Variants in CUX2 observed in about 807,000 individuals in gnomAD.
The protein encoded by CUX2 is homeobox protein cut-like 2.
In CUX2, 40 loss-of-function variants were observed where a neutral mutation model predicts 144.8. The observed-to-expected ratio is 0.28, with a 90% CI of 0.21 to 0.36. The LOEUF (loss-of-function observed/expected upper bound fraction) is 0.36, where lower values mean the gene tolerates loss of function less well. Ranked by LOEUF, CUX2 falls within the 10% of genes least tolerant of loss-of-function variation. The pLI, the probability that CUX2 is intolerant of heterozygous loss-of-function variation, is 1.00. For synonymous variants in CUX2, 827 were observed against 875.6 expected, an observed-to-expected ratio of 0.94 and a Z score of 0.98; for missense variants, 1,615 against 1,994.0, an observed-to-expected ratio of 0.81 and a Z score of 3.62.
intron 18 of CUX2, among the ~76,000 whole-genome samples, chr12:111,328,865 G>C (rs1442856285): frequency 1.3e-5 from 2 of 151,394 alleles, no homozygotes; most frequent in Non-Finnish European, 2.9e-5. Context: ...TGGGATTACA[G>C]GCATGAGCTA....
chr12:111,344,609 G>C (rs943538296), intron 21 of CUX2, among the ~76,000 whole-genome samples: 5 of 152,204 alleles, frequency 3.3e-5, no homozygotes, highest in African/African-American at 9.6e-5. Flanking sequence ...CTTCCCACTG[G>C]AGGGAGCTGA....
chr12:111,193,653 G>A lies in CUX2; in HGVS notation c.64-20547G>A, dbSNP rs550382211. 1.7e-3 allele frequency among the ~76,000 whole-genome samples: 257 copies of A among 152,276 alleles called. 2 individuals are homozygous for A. The highest frequency in any genetic ancestry group is 6.8e-3 in the Middle Eastern group (2 of 294). ...TCTGCTGTGAACAGGCCCCTTGTTC[G>A]GGATCCAGGAATGAAGGCGCTGGAG... On this transcript the variant is annotated intron_variant, in intron 1 of 21. Coordinates refer to ENST00000261726, the MANE Select transcript of CUX2 (RefSeq NM_015267.4).
chr12:111,339,730 G>C (rs1888503046), intron 20 of CUX2: 1 of 152,222 alleles, frequency 6.6e-6, no homozygotes, highest in South Asian at 2.1e-4. Context: ...AGGTCGTGAG[G>C]GCAGGTCGTG....
intron 1 of CUX2, among the ~76,000 whole-genome samples, chr12:111,042,502 A>G (rs1471659792): frequency 6.6e-6 from 1 of 152,160 alleles, no homozygotes; most frequent in Non-Finnish European, 1.5e-5. Flanking sequence ...CCTCGGTTCA[A>G]ATCCCAGCTC....
intron 1 of CUX2, among the ~76,000 whole-genome samples, chr12:111,153,988 C>G (rs543130194): frequency 1.2e-4 from 18 of 152,140 alleles, no homozygotes; most frequent in African/African-American, 2.4e-4. Flanking sequence ...CAAGTTCCCC[C>G]TTTTTACAAA....
rs768815756 is a variant in CUX2, at chr12:111,338,419, C to G, written c.3330C>G (p.Leu1110=). ...REPFVRMQLW[L]NDPHNVEKLR... ...CTTTTGTCCGCATGCAGCTGTGGCTCAATGACCCCCATAACGTGGAGAAGC... is the reference window on the plus strand; with the variant it reads ...CTTTTGTCCGCATGCAGCTGTGGCTGAATGACCCCCATAACGTGGAGAAGC... The change falls in exon 20 of 22, where the codon CTC becomes CTG. Residue 1110 remains leucine (L), a synonymous_variant. Coordinates refer to ENST00000261726, the MANE Select transcript of CUX2 (RefSeq NM_015267.4). 32 of 1,613,924 alleles carry G rather than the reference C, an allele frequency of 2.0e-5. No homozygotes were observed. The highest frequency in any genetic ancestry group is 2.5e-5 in the Non-Finnish European group (30 of 1,179,996).
intron 3 of CUX2, among the ~76,000 whole-genome samples, chr12:111,238,962 T>C (rs1225082475): frequency 6.6e-6 from 1 of 152,206 alleles, no homozygotes; most frequent in Non-Finnish European, 1.5e-5. Flanking sequence ...TGAGAATCCC[T>C]TGAACCTGGG....
chr12:111,118,185 TACTA>T (rs1306935350), intron 1 of CUX2, among the ~76,000 whole-genome samples: 14 of 152,176 alleles, frequency 9.2e-5, no homozygotes, highest in African/African-American at 3.1e-4. Flanking sequence ...GCAAACTACT[TACTA>T]AACACAGATA....
chr12:111,086,624 C>T (rs1466187128), intron 1 of CUX2, among the ~76,000 whole-genome samples: 6 of 152,114 alleles, frequency 3.9e-5, no homozygotes, highest in Non-Finnish European at 8.8e-5. Context: ...ACTCTGTCTC[C>T]GAGGGTTTAA....
intron 4 of CUX2, among the ~76,000 whole-genome samples, chr12:111,269,840 G>T (rs542766734): frequency 4.6e-5 from 7 of 152,166 alleles, no homozygotes; most frequent in Non-Finnish European, 8.8e-5. Context: ...CAAGCCCAGT[G>T]CTGACTCCAG....
At chr12:111,325,696 T>G (rs1479611699) in intron 18 of CUX2, among the ~76,000 whole-genome samples, 4 of 10,080 alleles carry the variant, frequency 4.0e-4, no homozygotes, top group African/African-American at 5.7e-4. Context: ...AGTGTTGTGG[T>G]GGGGGAGGGG....
At chr12:111,185,845 G>A (rs1307276983) in intron 1 of CUX2, among the ~76,000 whole-genome samples, 1 of 152,128 alleles carries the variant, frequency 6.6e-6, no homozygotes, top group Non-Finnish European at 1.5e-5. Context: ...TCCACGGTCC[G>A]AGGGGGCTGC....
chr12:111,313,928 A>G (rs768749961), intron 16 of CUX2, among the ~76,000 whole-genome samples: 1 of 152,006 alleles, frequency 6.6e-6, no homozygotes, highest in African/African-American at 2.4e-5. Context: ...GCCCTCTTCC[A>G]TTTTTGCAGT....
chr12:111,149,144 G>T (rs949511985), intron 1 of CUX2, among the ~76,000 whole-genome samples: 13 of 152,220 alleles, frequency 8.5e-5, no homozygotes, highest in Non-Finnish European at 2.9e-5. Flanking sequence ...CAGGGTGTCT[G>T]TGTCTAAGAC....
At chr12:111,207,652 T>C (rs1037132276) in intron 1 of CUX2, among the ~76,000 whole-genome samples, 10 of 152,200 alleles carry the variant, frequency 6.6e-5, no homozygotes, top group African/African-American at 9.6e-5. Flanking sequence ...TTACAAGAGA[T>C]ACTGTACATA....
At chr12:111,048,743 A>T (rs959197526) in intron 1 of CUX2, among the ~76,000 whole-genome samples, 2 of 152,146 alleles carry the variant, frequency 1.3e-5, no homozygotes, top group Non-Finnish European at 2.9e-5. Flanking sequence ...GGCCACATGC[A>T]GGTATTCTGT....
intron 18 of CUX2, among the ~76,000 whole-genome samples, chr12:111,330,708 T>TATAC (rs1555217581): frequency 4.5e-5 from 1 of 22,376 alleles, no homozygotes; most frequent in Non-Finnish European, 9.7e-5. Context: ...TATATATATA[T>TATAC]ATATATATAT....
intron 1 of CUX2, among the ~76,000 whole-genome samples, chr12:111,042,541 T>C (rs1245556593): frequency 6.6e-6 from 1 of 152,238 alleles, no homozygotes; most frequent in African/African-American, 2.4e-5. Context: ...TGACCTTGGA[T>C]GAGTCAATTA....
Position 111,263,669 on chromosome 12 carries a change from A to T in CUX2, c.223-92A>T. 1 of 984,904 alleles carries T rather than the reference A, an allele frequency of 1.0e-6. No homozygotes were observed. Among genetic ancestry groups the T allele is most frequent in the East Asian group, 2.4e-5 (1 of 41,230 alleles). The allele number at this position is 984,904 out of a possible 1,614,324, so 61.0% of individuals were successfully genotyped here. ...ACAAAACAAAACAAAAAACCTGCAGATGTTTTCTTGTGGAAAAAAAAAATG... is the reference window on the plus strand; with the variant it reads ...ACAAAACAAAACAAAAAACCTGCAGTTGTTTTCTTGTGGAAAAAAAAAATG... On this transcript the variant is annotated intron_variant, in intron 3 of 21. Coordinates refer to ENST00000261726, the MANE Select transcript of CUX2 (RefSeq NM_015267.4). This position sits in a 1 kb window ranked among gnomAD's most constrained non-coding sequence, Gnocchi z 4.0.
Sources: gnomAD v4.1 joint callset for allele counts (sites outside exome capture counted in the v4.1 genomes callset) on GRCh38, gnomAD v4.1.1 for gene constraint, Gnocchi (gnomAD v3.1) non-coding constraint, MANE v1.5 for transcripts, NCBI Gene and HGNC (gene_info 2026-07-23, HGNC 2026-07-21) for gene names.